PPP1R26: variants seen among roughly 807,000 people sequenced by gnomAD.
The protein encoded by PPP1R26 is protein phosphatase 1 regulatory subunit 26.
In PPP1R26, 22 loss-of-function variants were observed where a neutral mutation model predicts 67.6. That is an observed-to-expected ratio of 0.33 (90% CI 0.23 to 0.46). PPP1R26 has a LOEUF of 0.46. Ranked by LOEUF, PPP1R26 falls within the 20% of genes least tolerant of loss-of-function variation. PPP1R26 has a pLI of 1.00. For synonymous variants in PPP1R26, 729 were observed against 717.2 expected, an observed-to-expected ratio of 1.02 and a Z score of -0.26; for missense variants, 1,602 against 1,651.4, an observed-to-expected ratio of 0.97 and a Z score of 0.52.
Position 135,485,585 on chromosome 9 carries a change from G to T in PPP1R26, c.1075G>T (p.Ala359Ser), listed in dbSNP as rs759062998. The change falls in exon 4 of 4, where the codon GCG becomes TCG. Residue 359 changes from alanine to serine, a missense_variant. Ala to Ser is a moderately conservative substitution (Grantham distance 99). Around this residue, in one of 5 missense-constraint regions of PPP1R26, gnomAD observed 680 missense variants for 726.1 expected, o/e 0.94. Coordinates refer to ENST00000356818, the MANE Select transcript of PPP1R26 (RefSeq NM_014811.5). This position sits in a 1 kb window ranked among gnomAD's most constrained non-coding sequence, Gnocchi z 7.2. ...CATGAGTGCGGCACAGGCGTCCGAG[G>T]CGTCCGACTCCAGCAGCGACGATGG... ...RVMSAAQASEASDSSSDDGIE... is the reference protein window; with the variant it reads ...RVMSAAQASESSDSSSDDGIE... 7.4e-6 allele frequency: 12 copies of T among 1,613,182 alleles called. No homozygotes were observed. The highest frequency in any genetic ancestry group is 1.3e-5 in the African/African-American group (1 of 75,056).
chr9:135,487,585 G>A lies in PPP1R26; in HGVS notation c.3075G>A (p.Pro1025=), dbSNP rs368695602. Residue 1025 remains proline, a synonymous_variant, in exon 4 of 4, where the codon CCG becomes CCA. Transcript: ENST00000356818. ...CTGGAGCCCAGGCCGACCGCACACC[G>A]CCCTGGAGCGACTTCGCCCACCAGA... ...RDAGAQADRT[P]PWSDFAHQSR... 47 of 1,509,218 alleles carry A rather than the reference G, an allele frequency of 3.1e-5. No homozygotes were observed. Among genetic ancestry groups the A allele is most frequent in the Admixed American group, 2.3e-4 (10 of 43,908 alleles). The allele number at this position is 1,509,218 out of a possible 1,614,324, so 93.5% of individuals were successfully genotyped here.
At chr9:135,481,781 G>A (rs1052558023) in intron 1 of PPP1R26, among the ~76,000 whole-genome samples, 4 of 151,686 alleles carry the variant, frequency 2.6e-5, no homozygotes, top group Admixed American at 2.6e-4. Flanking sequence ...ACCACGCCCA[G>A]CTAATTTTTG....
Position 135,484,525 on chromosome 9 carries a change from C to T in PPP1R26, c.15C>T (p.Asn5=), listed in dbSNP as rs368677537. The change falls in exon 4 of 4, where the codon AAC becomes AAT. Residue 5 remains asparagine, a synonymous_variant. Transcript: ENST00000356818. The stretch of plus-strand genomic sequence containing the variant: ...CGTCTGCTAGAATGTTTCTCATGAA[C>T]GCTTCTCCAGTGGTTGCTCTCCAGT... The part of the protein sequence containing the change: MFLM[N]ASPVVALQSK... The T allele has an allele frequency of 4.4e-6, 7 of 1,597,100 alleles. No homozygotes were observed. Among genetic ancestry groups the T allele is most frequent in the African/African-American group, 1.4e-5 (1 of 73,766 alleles).
Position 135,485,075 on chromosome 9 carries a change from A to G in PPP1R26, c.565A>G (p.Lys189Glu). 6.2e-7 allele frequency: 1 copy of G among 1,610,536 alleles called. No homozygotes were observed. Among genetic ancestry groups the G allele is most frequent in the Non-Finnish European group, 8.5e-7 (1 of 1,178,982 alleles). Residue 189 changes from lysine to glutamate, a missense_variant, in exon 4 of 4, where the codon AAA becomes GAA. Around this residue, in one of 5 missense-constraint regions of PPP1R26, gnomAD observed 680 missense variants for 726.1 expected, o/e 0.94. Transcript: ENST00000356818. The surrounding 1 kb of genome is among the most constrained non-coding windows in gnomAD (Gnocchi z 7.2). ...GSAPTALCPP[K>E]LVPGSGGGPG... ...TGCCCCGACTGCCCTGTGTCCCCCA[A>G]AACTTGTACCTGGATCAGGTGGTGG...
Position 135,487,652 on chromosome 9 carries a change from G to C in PPP1R26, c.3142G>C (p.Asp1048His). 1 of 1,471,806 alleles carries C rather than the reference G, an allele frequency of 6.8e-7. No homozygotes were observed. Among genetic ancestry groups the C allele is most frequent in the Non-Finnish European group, 9.0e-7 (1 of 1,111,478 alleles). The allele number at this position is 1,471,806 out of a possible 1,614,324, so 91.2% of individuals were successfully genotyped here. A position where few individuals can be genotyped will look rare whatever the true frequency, so the allele number is the denominator to read the frequency against. The change falls in exon 4 of 4, where the codon GAT (aspartate) becomes CAT (histidine). Residue 1048 changes from aspartate to histidine, a missense_variant. Asp to His is a moderately conservative substitution (Grantham distance 81). This residue lies in a region of PPP1R26 where 740 missense variants were observed against 696.3 expected (regional missense o/e 1.06). Transcript: ENST00000356818. ...GTGGGTGCTGCGCTCCGAAGGCAGA[G>C]ATGCAGTGTGGAGGGGGGGCGTCGG... ...SPWVLRSEGR[D>H]AVWRGGVGSE...
chr9:135,481,825 G>T (rs13291806), intron 1 of PPP1R26, among the ~76,000 whole-genome samples: 22,479 of 151,786 alleles, frequency 0.15, 2,003 homozygotes, highest in South Asian at 0.28. Context: ...CACCATATTG[G>T]CCAGGCTGGT....
intron 1 of PPP1R26, among the ~76,000 whole-genome samples, chr9:135,482,455 C>G (rs1830553486): frequency 6.6e-6 from 1 of 152,208 alleles, no homozygotes; most frequent in Admixed American, 6.5e-5. Context: ...CAGCCAGCAT[C>G]AGATCTGCTG....
Position 135,484,271 on chromosome 9 carries a change from C to T in PPP1R26, c.-62-178C>T, listed in dbSNP as rs371269562. ...TTGTTCCTTTCCCAGCTGAGGAATC[C>T]GAGGCCCCAGGAGCATGAGTAAGTC... On this transcript the variant is annotated intron_variant, in intron 3 of 3. Transcript: ENST00000356818. 1.7e-5 allele frequency: 9 copies of T among 522,176 alleles called. 1 individual carries two copies. Among genetic ancestry groups the T allele is most frequent in the Middle Eastern group, 4.9e-4 (1 of 2,040 alleles). 32.3% of individuals were successfully genotyped at this position (522,176 alleles called of 1,614,324 possible). A position where few individuals can be genotyped will look rare whatever the true frequency, so the allele number is the denominator to read the frequency against.
Position 135,485,884 on chromosome 9 carries a change from A to G in PPP1R26, c.1374A>G (p.Pro458=), listed in dbSNP as rs1484254057. The change falls in exon 4 of 4, where the codon CCA becomes CCG. Residue 458 remains proline, a synonymous_variant. Transcript: ENST00000356818. The surrounding 1 kb of genome is among the most constrained non-coding windows in gnomAD (Gnocchi z 7.2). ...KLLKETKAPP[P]ASPASRSEFV... Reference sequence around the variant, plus strand: ...TGAAGGAAACCAAAGCTCCACCTCCAGCGAGCCCTGCTTCCAGGAGTGAGT... The same window carrying G: ...TGAAGGAAACCAAAGCTCCACCTCCGGCGAGCCCTGCTTCCAGGAGTGAGT... 6 of 1,613,376 alleles carry G rather than the reference A, an allele frequency of 3.7e-6. 1 individual carries two copies. In the Admixed American group the frequency reaches 1.0e-4, roughly 27 times the overall value.
rs540191648 is a variant in PPP1R26, at chr9:135,482,031, G to A, written c.-328-652G>A. On this transcript the variant is annotated intron_variant, in intron 1 of 3. Coordinates refer to ENST00000356818, the MANE Select transcript of PPP1R26 (RefSeq NM_014811.5). ...AGAAGCTGTAAATGTGGCTAGTGGA[G>A]AACAGACTATTTCCCCAGGAAAACT... Among the ~76,000 whole-genome samples, 68 of 152,328 alleles carry A rather than the reference G, an allele frequency of 4.5e-4. No individual in the cohort carries two copies. In the South Asian group the frequency reaches 0.014, roughly 32 times the overall value.
At position 135,487,211 on chromosome 9, in the gene PPP1R26, C is replaced by G. The variant is rs759711651; in HGVS notation, c.2701C>G (p.Leu901Val). The G allele has an allele frequency of 8.9e-5, 142 of 1,597,728 alleles. No individual in the cohort carries two copies. The highest frequency in any genetic ancestry group is 1.1e-4 in the Non-Finnish European group (130 of 1,173,596). ...RSQRARGVPH[L>V]AEGLRGTESA... ...CCAGAGGGCCAGGGGGGTCCCACAT[C>G]TGGCCGAAGGGCTTCGAGGCACAGA... The change falls in exon 4 of 4, where the codon CTG (leucine) becomes GTG (valine). Residue 901 changes from leucine (L) to valine (V), a missense_variant. Leu to Val is a conservative substitution (Grantham distance 32). This residue lies in a region of PPP1R26 where 740 missense variants were observed against 696.3 expected (regional missense o/e 1.06). Transcript: ENST00000356818.
At position 135,485,724 on chromosome 9, in the gene PPP1R26, A is replaced by C. The variant is rs774517402; in HGVS notation, c.1214A>C (p.His405Pro). ...REERAPDPPAHSTSSATKSAL... is the reference protein window; with the variant it reads ...REERAPDPPAPSTSSATKSAL... ...GAGAGAGCGCCTGACCCTCCCGCAC[A>C]CAGCACAAGCAGTGCCACAAAAAGT... Residue 405 changes from histidine (H) to proline (P), a missense_variant, in exon 4 of 4, where the codon CAC (histidine) becomes CCC (proline). Physicochemically the swap from His to Pro is moderately conservative, Grantham distance 77 (BLOSUM62 -2). Around this residue, in one of 5 missense-constraint regions of PPP1R26, gnomAD observed 680 missense variants for 726.1 expected, o/e 0.94. Coordinates refer to ENST00000356818, the MANE Select transcript of PPP1R26 (RefSeq NM_014811.5). The surrounding 1 kb of genome is among the most constrained non-coding windows in gnomAD (Gnocchi z 7.2). 1 of 1,610,420 alleles carries C rather than the reference A, an allele frequency of 6.2e-7. No individual in the cohort carries two copies. Among genetic ancestry groups the C allele is most frequent in the East Asian group, 2.2e-5 (1 of 44,870 alleles).
rs745512822 is a variant in PPP1R26, at chr9:135,486,616, G to A, written c.2106G>A (p.Arg702=). 1.2e-6 allele frequency: 2 copies of A among 1,612,422 alleles called. No homozygotes were observed. The highest frequency in any genetic ancestry group is 1.7e-5 in the Admixed American group (1 of 59,982). ...DLDTAIKDLL[R]SKRKLKKRCR... ...ACACAGCCATCAAGGACTTGTTAAG[G>A]TCCAAGCGAAAGCTCAAGAAGAGGT... The change falls in exon 4 of 4, where the codon AGG becomes AGA. Residue 702 remains arginine, a synonymous_variant. Coordinates refer to ENST00000356818, the MANE Select transcript of PPP1R26 (RefSeq NM_014811.5). The surrounding 1 kb of genome is among the most constrained non-coding windows in gnomAD (Gnocchi z 6.2).
rs1296568931 is a variant in PPP1R26, at chr9:135,484,656, T to C, written c.146T>C (p.Met49Thr). The stretch of plus-strand genomic sequence containing the variant: ...GCGTCGGTGAGCGCCCGGGTGCAGA[T>C]GCTTATCAGCACTCTGCAGCGCGAC... ...ESASVSARVQ[M>T]LISTLQRDGA... is the part of the protein sequence containing the mutation. Residue 49 changes from methionine (M) to threonine (T), a missense_variant, in exon 4 of 4, where the codon ATG becomes ACG. Physicochemically the swap from Met to Thr is moderately conservative, Grantham distance 81. Around this residue, in one of 5 missense-constraint regions of PPP1R26, gnomAD observed 168 missense variants for 176.1 expected, o/e 0.95. Transcript: ENST00000356818. 2 of 1,611,184 alleles carry C rather than the reference T, an allele frequency of 1.2e-6. No homozygotes were observed. Among genetic ancestry groups the C allele is most frequent in the East Asian group, 2.2e-5 (1 of 44,842 alleles).
In PPP1R26 at chr9:135,486,050, T is replaced by C. The variant is rs749490669; in HGVS notation, c.1540T>C (p.Ser514Pro). Residue 514 changes from serine (S) to proline (P), a missense_variant, in exon 4 of 4, where the codon TCC (serine) becomes CCC (proline). Physicochemically the swap from Ser to Pro is moderately conservative, Grantham distance 74. Coordinates refer to ENST00000356818, the MANE Select transcript of PPP1R26 (RefSeq NM_014811.5). The surrounding 1 kb of genome is among the most constrained non-coding windows in gnomAD (Gnocchi z 6.2). ...GSLSASPLFYSPNVPSRSDGD... is the reference protein window; with the variant it reads ...GSLSASPLFYPPNVPSRSDGD... ...CCTGTCCGCAAGCCCACTCTTCTACTCCCCGAACGTGCCTTCCCGCTCTGA... is the reference window on the plus strand; with the variant it reads ...CCTGTCCGCAAGCCCACTCTTCTACCCCCCGAACGTGCCTTCCCGCTCTGA... 9 of 1,612,970 alleles carry C rather than the reference T, an allele frequency of 5.6e-6. No homozygotes were observed. The African/African-American group carries it at 1.2e-4, about 22-fold the overall frequency.
Position 135,488,301 on chromosome 9 carries a change from C to T in PPP1R26, c.*161C>T, listed in dbSNP as rs547908979. ...CAACATGAAACTTTTATTTAACAGA[C>T]GTGTCCTGGTAAATATGATTTTTGT... is the stretch of plus-strand genomic sequence containing the variant. On this transcript the variant is annotated 3_prime_UTR_variant, in exon 4 of 4. Transcript: ENST00000356818. The T allele has an allele frequency of 1.5e-4, 170 of 1,133,664 alleles. 1 individual carries two copies. Among genetic ancestry groups the T allele is most frequent in the Non-Finnish European group, 1.8e-4 (155 of 884,640 alleles). The allele number at this position is 1,133,664 out of a possible 1,614,324, so 70.2% of individuals were successfully genotyped here.
In PPP1R26 at chr9:135,485,920, G is replaced by C. The variant is rs1357665384; in HGVS notation, c.1410G>C (p.Arg470=). The part of the protein sequence containing the change: ...SPASRSEFVE[R]SSCRADTSAE... ...CTTCCAGGAGTGAGTTTGTGGAACGGTCCTCGTGCCGGGCGGACACATCTG... is the reference window on the plus strand; with the variant it reads ...CTTCCAGGAGTGAGTTTGTGGAACGCTCCTCGTGCCGGGCGGACACATCTG... The change falls in exon 4 of 4, where the codon CGG becomes CGC. Residue 470 remains arginine, a synonymous_variant. Coordinates refer to ENST00000356818, the MANE Select transcript of PPP1R26 (RefSeq NM_014811.5). This position sits in a 1 kb window ranked among gnomAD's most constrained non-coding sequence, Gnocchi z 7.2. The C allele has an allele frequency of 6.8e-6, 11 of 1,613,402 alleles. No individual in the cohort carries two copies. Among genetic ancestry groups the C allele is most frequent in the Non-Finnish European group, 9.3e-6 (11 of 1,180,032 alleles).
intron 1 of PPP1R26, among the ~76,000 whole-genome samples, chr9:135,481,236 GTT>G (rs35101439): frequency 1.8e-4 from 22 of 121,732 alleles, no homozygotes; most frequent in East Asian, 2.5e-4. Context: ...GGCTTTTCTT[GTT>G]TTTTTTTTTT....
chr9:135,486,902 A>G lies in PPP1R26; in HGVS notation c.2392A>G (p.Arg798Gly). 1.3e-5 allele frequency: 21 copies of G among 1,612,782 alleles called. No individual in the cohort carries two copies. The highest frequency in any genetic ancestry group is 1.8e-5 in the Non-Finnish European group (21 of 1,179,922). Residue 798 changes from arginine to glycine, a missense_variant, in exon 4 of 4, where the codon AGA (arginine) becomes GGA (glycine). Arg to Gly is a moderately radical substitution (Grantham distance 125, BLOSUM62 -2). Transcript: ENST00000356818. This position sits in a 1 kb window ranked among gnomAD's most constrained non-coding sequence, Gnocchi z 6.2. ...CGCGGCCCTGGCCTTCCGGGTGAGG[A>G]GACCCGCCTCCGCCTCTGCCTCCGA... ...QDAALAFRVR[R>G]PASASASEGN...
Sources: allele counts gnomAD v4.1 joint callset (sites outside exome capture counted in the v4.1 genomes callset), GRCh38; gene constraint gnomAD v4.1.1; regional missense constraint gnomAD v4.1.1; non-coding constraint Gnocchi (gnomAD v3.1); transcripts MANE v1.5; gene names NCBI Gene and HGNC (gene_info 2026-07-23, HGNC 2026-07-21).